The following TBK1 variants were observed in gnomAD, a reference collection of about 807,000 sequenced individuals.
The protein encoded by TBK1 is TANK binding kinase 1, also known as serine/threonine-protein kinase TBK1.
A neutral mutation model predicts 99.9 loss-of-function variants in TBK1; 37 were observed. The ratio of observed to expected loss-of-function variants is 0.37; its 90% CI spans 0.28 to 0.49. TBK1 has a LOEUF of 0.49. Among genes scored for constraint, TBK1 ranks in the 20% least tolerant of loss-of-function variants. The probability of loss-of-function intolerance (pLI) is 0.98; values close to 1 mark genes in which losing one functional copy is unlikely to be tolerated. For synonymous variants in TBK1, 258 were observed against 279.8 expected (o/e 0.92, Z 0.78); for missense variants, 644 against 872.5 (o/e 0.74, Z 3.30).
intron 8 of TBK1, 87 bp downstream of exon 8, chr12:64,482,108 C>T (rs953065123): frequency 1.2e-5 from 11 of 913,668 alleles, no homozygotes; most frequent in Non-Finnish European, 1.6e-5. Context: ...AAAGATGCCT[C>T]AGCTTCACCA....
chr12:64,475,379 T>C (rs2040701840), intron 6 of TBK1, among the ~76,000 whole-genome samples: 1 of 152,144 alleles, frequency 6.6e-6, no homozygotes, highest in Non-Finnish European at 1.5e-5. Flanking sequence ...ACCCAGATAG[T>C]GAACGTGGTA....
chr12:64,475,245 T>TTA, intron 6 of TBK1, among the ~76,000 whole-genome samples: 1 of 152,344 alleles, frequency 6.6e-6, no homozygotes, highest in Non-Finnish European at 1.5e-5. Flanking sequence ...GTATACACAT[T>TTA]TATGTATTGT....
rs1224068036 is a variant in TBK1, at chr12:64,455,826, T to C, written c.-31-14T>C. ...TCCCTTAAAACATAGTTGCAAATTT[T>C]TTTTTTCTCTTAGTATAACAAGAGG... On this transcript the variant is annotated splice_polypyrimidine_tract_variant and intron_variant, in intron 1 of 20. Transcript: ENST00000331710. 6.7e-7 allele frequency: 1 copy of C among 1,501,022 alleles called. No individual in the cohort carries two copies. The allele number at this position is 1,501,022 out of a possible 1,614,324, so 93.0% of individuals were successfully genotyped here. A position where few individuals can be genotyped will look rare whatever the true frequency, so the allele number is the denominator to read the frequency against.
chr12:64,463,454 T>G (rs2040570393), intron 3 of TBK1, among the ~76,000 whole-genome samples: 2 of 151,380 alleles, frequency 1.3e-5, no homozygotes, highest in African/African-American at 4.9e-5. Context: ...ATCCCAGCAC[T>G]TTGGGAGGTT....
intron 1 of TBK1, chr12:64,452,656 G>A (rs941796273): frequency 6.6e-6 from 1 of 152,206 alleles, no homozygotes; most frequent in Non-Finnish European, 1.5e-5. Context: ...TTTTTCAGAG[G>A]ATTAAAAAGA....
At chr12:64,498,101 C>CT (rs1409291427) in intron 20 of TBK1, 62 bp downstream of exon 20, 12 of 1,341,940 alleles carry the variant, frequency 8.9e-6, no homozygotes, top group Non-Finnish European at 1.3e-5. Flanking sequence ...CACATCTGTA[C>CT]TTATATCTTC....
At chr12:64,470,877 CTT>C (rs1005193550) in intron 5 of TBK1, among the ~76,000 whole-genome samples, 3 of 152,164 alleles carry the variant, frequency 2.0e-5, no homozygotes, top group Non-Finnish European at 4.4e-5. Flanking sequence ...GCCTCTAAGA[CTT>C]TTAACAGGAA....
chr12:64,480,194 A>C (rs2040755349), intron 7 of TBK1, 72 bp downstream of exon 7: 1 of 946,224 alleles, frequency 1.1e-6, no homozygotes, highest in Admixed American at 2.2e-5. Context: ...AGAACCACAG[A>C]TACTCAAATA....
At chr12:64,497,857 C>G (rs1446982410) in intron 19 of TBK1, 103 bp downstream of exon 19, 5 of 1,375,288 alleles carry the variant, frequency 3.6e-6, no homozygotes, top group African/African-American at 1.5e-5. Context: ...TGTTGTAATA[C>G]AATGTTTAAT....
chr12:64,467,094 A>T lies in TBK1; in HGVS notation c.540+12A>T. 2.6e-6 allele frequency: 4 copies of T among 1,534,656 alleles called. No individual in the cohort carries two copies. The highest frequency in any genetic ancestry group is 3.5e-6 in the Non-Finnish European group (4 of 1,136,586). ...CAGAAGAATATTTGGTAAGTCATGT[A>T]TCACTAATATTTTCATTTAAAGAAG... On this transcript the variant is annotated intron_variant, in intron 5 of 20. Coordinates refer to ENST00000331710, the MANE Select transcript of TBK1 (RefSeq NM_013254.4).
In TBK1 at chr12:64,497,272, G is replaced by C. The variant is rs776256005; in HGVS notation, c.1959+13G>C. The C allele has an allele frequency of 6.7e-7, 1 of 1,502,110 alleles. No individual in the cohort carries two copies. The highest frequency in any genetic ancestry group is 2.3e-5 in the Admixed American group (1 of 44,148). The allele number at this position is 1,502,110 out of a possible 1,614,324, so 93.0% of individuals were successfully genotyped here. On this transcript the variant is annotated intron_variant, in intron 18 of 20. Coordinates refer to ENST00000331710, the MANE Select transcript of TBK1 (RefSeq NM_013254.4). ...ATATACTAATGAGGTAGGTACAGCT[G>C]TCAAGGAAAAATTAAAATTCTTCTC...
rs574616611 is a variant in TBK1 at position 64,484,799 on chromosome 12, T to A, written c.1189+300T>A. Among the ~76,000 whole-genome samples the A allele has an allele frequency of 3.3e-5, 5 of 152,270 alleles. No homozygotes were observed. The South Asian group carries it at 1.0e-3, about 32-fold the overall frequency. ...TCTGTCATTGTAGAAATGATTGTCA[T>A]CCTTATAAAGCTGATGATAATATTA... On this transcript the variant is annotated intron_variant, in intron 9 of 20. Transcript: ENST00000331710.
intron 9 of TBK1, 49 bp from the exon 10 acceptor site, chr12:64,485,406 A>AT (rs1397106823): frequency 1.0e-6 from 1 of 972,654 alleles, no homozygotes; most frequent in Non-Finnish European, 1.5e-6. Context: ...GGATAAAGTG[A>AT]TTTTTTCAAA....
At chr12:64,485,616 C>G (rs2040813281) in intron 10 of TBK1, 103 bp downstream of exon 10, 2 of 557,018 alleles carry the variant, frequency 3.6e-6, no homozygotes, top group South Asian at 3.7e-5. Flanking sequence ...GTCTATATGA[C>G]TTAGGAAATT....
In TBK1 at chr12:64,495,926, T is replaced by TAA. The variant is rs369559731; in HGVS notation, c.1720+167_1720+168dup. ...CTGTCAGGAAAAAGGTTGATTGTGT[T>TAA]AAAAAAAAAAAAAAAAACTATCCTT... On this transcript the variant is annotated intron_variant, in intron 15 of 20. Transcript: ENST00000331710. 2.6e-3 allele frequency: 985 copies of TAA among 385,156 alleles called. 2 individuals are homozygous for TAA. Among genetic ancestry groups the TAA allele is most frequent in the African/African-American group, 6.2e-3 (271 of 43,724 alleles). 23.9% of individuals were successfully genotyped at this position (385,156 alleles called of 1,614,324 possible).
At chr12:64,486,691 G>A (rs1228520489) in intron 11 of TBK1, among the ~76,000 whole-genome samples, 1 of 151,536 alleles carries the variant, frequency 6.6e-6, no homozygotes, top group Non-Finnish European at 1.5e-5. Flanking sequence ...GCCTCAGCTG[G>A]GATTATAGGC....
intron 5 of TBK1, among the ~76,000 whole-genome samples, chr12:64,473,303 G>C (rs1482455147): frequency 1.3e-5 from 2 of 152,186 alleles, no homozygotes; most frequent in African/African-American, 2.4e-5. Context: ...GTCTGAATGG[G>C]AGATGAGGGA....
rs1194086121 is a variant in TBK1, at chr12:64,460,269, T to C, written c.168T>C (p.Phe56=). The C allele has an allele frequency of 1.3e-6, 2 of 1,587,090 alleles. No individual in the cohort carries two copies. Among genetic ancestry groups the C allele is most frequent in the Admixed American group, 3.5e-5 (2 of 57,028 alleles). Reference sequence around the variant, plus strand: ...CAGTGGATGTTCAAATGAGAGAATTTGAAGTGTTGAAAAAACTCAATCACA... The same window carrying C: ...CAGTGGATGTTCAAATGAGAGAATTCGAAGTGTTGAAAAAACTCAATCACA... The part of the protein sequence containing the change: ...LRPVDVQMRE[F]EVLKKLNHKN... The change falls in exon 3 of 21, where the codon TTT becomes TTC. Residue 56 remains phenylalanine, a synonymous_variant. Coordinates refer to ENST00000331710, the MANE Select transcript of TBK1 (RefSeq NM_013254.4).
intron 5 of TBK1, among the ~76,000 whole-genome samples, chr12:64,470,383 A>T (rs1038367587): frequency 8.5e-5 from 13 of 152,208 alleles, no homozygotes; most frequent in Admixed American, 5.9e-4. Flanking sequence ...TGAGCAAACA[A>T]GTAGTGATAT....
Sources: allele counts gnomAD v4.1 joint callset (sites outside exome capture counted in the v4.1 genomes callset), GRCh38; gene constraint gnomAD v4.1.1; transcripts MANE v1.5; gene names NCBI Gene and HGNC (gene_info 2026-07-23, HGNC 2026-07-21).